Variants in RIMS1 observed in about 807,000 individuals in gnomAD.
The protein encoded by RIMS1 is regulating synaptic membrane exocytosis 1.
In RIMS1, 83 loss-of-function variants were observed where a neutral mutation model predicts 214.1. The observed-to-expected ratio is 0.39, with a 90% confidence interval of 0.32 to 0.47. The LOEUF is 0.47. Among genes scored for constraint, RIMS1 ranks in the 20% least tolerant of loss-of-function variants. The probability of loss-of-function intolerance (pLI) is 0.99; values close to 1 mark genes in which losing one functional copy is unlikely to be tolerated. For missense variants in RIMS1, 2,050 were observed against 2,161.8 expected, an observed-to-expected ratio of 0.95 and a Z score of 1.03; for synonymous variants, 793 against 786.8, an observed-to-expected ratio of 1.01 and a Z score of -0.13.
At chr6:71,989,164 G>A (rs1477532182) in intron 2 of RIMS1, among the ~76,000 whole-genome samples, 2 of 152,156 alleles carry the variant, frequency 1.3e-5, no homozygotes, top group Non-Finnish European at 2.9e-5. Context: ...CATTCTACTA[G>A]AACACTGCTC....
intron 1 of RIMS1, among the ~76,000 whole-genome samples, chr6:71,965,737 A>G (rs142311678): frequency 1.5e-4 from 23 of 152,126 alleles, no homozygotes; most frequent in South Asian, 1.0e-3. Context: ...AAGAGCCCCA[A>G]TCTGATAAAT....
At chr6:71,949,352 G>A (rs1204711356) in intron 1 of RIMS1, among the ~76,000 whole-genome samples, 1 of 151,912 alleles carries the variant, frequency 6.6e-6, no homozygotes, top group African/African-American at 2.4e-5. Context: ...CTCCAACAAT[G>A]GGGAGAAAAA....
intron 4 of RIMS1, among the ~76,000 whole-genome samples, chr6:72,102,171 TG>T (rs955846853): frequency 6.6e-6 from 1 of 152,000 alleles, no homozygotes; most frequent in African/African-American, 2.4e-5. Flanking sequence ...CTAAGCCAAC[TG>T]AATTGAATCC....
chr6:72,235,615 C>T lies in RIMS1; in HGVS notation c.1747-3C>T. 1 of 1,595,276 alleles carries T rather than the reference C, an allele frequency of 6.3e-7. No individual in the cohort carries two copies. Among genetic ancestry groups the T allele is most frequent in the Non-Finnish European group, 8.6e-7 (1 of 1,165,612 alleles). On this transcript the variant is annotated splice_region_variant and splice_polypyrimidine_tract_variant and intron_variant, in intron 7 of 33. Transcript: ENST00000521978. ...CTTTTTAAACTCATTCATGTTTTAA[C>T]AGCATCCTGTAACGTGGCAACCATC...
intron 2 of RIMS1, among the ~76,000 whole-genome samples, chr6:71,998,199 A>G (rs1265752059): frequency 1.3e-5 from 2 of 152,058 alleles, no homozygotes; most frequent in Non-Finnish European, 2.9e-5. Flanking sequence ...TGGATTTTCA[A>G]TATTTTTGTT....
chr6:72,398,472 G>A (rs2098803825), intron 32 of RIMS1, 122 bp downstream of exon 32: 1 of 595,236 alleles, frequency 1.7e-6, no homozygotes, highest in African/African-American at 1.9e-5. Flanking sequence ...TAAAAAAGCA[G>A]TGTTTCTGTG....
chr6:72,387,733 TA>T (rs968894846), intron 29 of RIMS1, among the ~76,000 whole-genome samples: 1 of 152,232 alleles, frequency 6.6e-6, no homozygotes. Context: ...GGTAGGAGTA[TA>T]AATCACTACA....
At chr6:72,241,727 A>G (rs1023121185) in intron 9 of RIMS1, among the ~76,000 whole-genome samples, 1 of 152,106 alleles carries the variant, frequency 6.6e-6, no homozygotes, top group Admixed American at 6.6e-5. Context: ...TTGCTTTGTA[A>G]TTTTGCCATA....
intron 1 of RIMS1, among the ~76,000 whole-genome samples, chr6:71,953,388 T>C (rs1234584517): frequency 2.0e-5 from 3 of 152,164 alleles, no homozygotes; most frequent in African/African-American, 7.2e-5. Context: ...GGGAAATAAA[T>C]ACACCTTGGC....
rs534722118 is a variant in RIMS1, at chr6:72,185,491, A to G, written c.1678+2342A>G. On this transcript the variant is annotated intron_variant, in intron 6 of 33. Transcript: ENST00000521978. ...TTCCAGAGTTAATAGACACCACACC[A>G]GAGGGATTAACAGAAGATAACTTGA... Among the ~76,000 whole-genome samples the G allele has an allele frequency of 7.8e-4, 119 of 152,330 alleles. 1 individual carries two copies. Among genetic ancestry groups the G allele is most frequent in the Admixed American group, 2.0e-3 (30 of 15,302 alleles).
chr6:72,105,267 T>C (rs1431622884), intron 4 of RIMS1, among the ~76,000 whole-genome samples: 2 of 152,118 alleles, frequency 1.3e-5, no homozygotes, highest in African/African-American at 2.4e-5. Flanking sequence ...ATTTATTCAT[T>C]TGTTGGCTTA....
At chr6:72,116,460 A>G (rs1027236633) in intron 4 of RIMS1, among the ~76,000 whole-genome samples, 5 of 152,050 alleles carry the variant, frequency 3.3e-5, no homozygotes, top group Non-Finnish European at 7.4e-5. Context: ...ACTGTTTCAT[A>G]TAAATGTAAC....
intron 28 of RIMS1, among the ~76,000 whole-genome samples, chr6:72,328,108 A>G (rs2096540878): frequency 6.6e-6 from 1 of 151,300 alleles, no homozygotes; most frequent in Non-Finnish European, 1.5e-5. Context: ...CATATACACC[A>G]TGGAATACTA....
intron 1 of RIMS1, among the ~76,000 whole-genome samples, chr6:71,908,093 G>C (rs1775791213): frequency 6.6e-6 from 1 of 152,152 alleles, no homozygotes; most frequent in Non-Finnish European, 1.5e-5. Flanking sequence ...CAAGACCAAG[G>C]CTGGTCCTGG....
At chr6:72,089,950 C>T (rs1340145721) in intron 2 of RIMS1, among the ~76,000 whole-genome samples, 1 of 141,916 alleles carries the variant, frequency 7.0e-6, no homozygotes, top group Non-Finnish European at 1.5e-5. Context: ...TATTCTCACT[C>T]ATAGGTGGGA....
chr6:72,307,670 C>T (rs1222009050), intron 27 of RIMS1, among the ~76,000 whole-genome samples: 1 of 151,996 alleles, frequency 6.6e-6, no homozygotes, highest in African/African-American at 2.4e-5. Flanking sequence ...TCCCTTGAAC[C>T]TGGGAGGCGG....
At chr6:72,056,409 CTAAAA>C (rs1382897496) in intron 2 of RIMS1, among the ~76,000 whole-genome samples, 1 of 152,054 alleles carries the variant, frequency 6.6e-6, no homozygotes, top group Non-Finnish European at 1.5e-5. Flanking sequence ...AACCCTGAAC[CTAAAA>C]TAAAAGTTAA....
chr6:71,912,745 G>C (rs1562179630), intron 1 of RIMS1, among the ~76,000 whole-genome samples: 1 of 152,092 alleles, frequency 6.6e-6, no homozygotes, highest in African/African-American at 2.4e-5. Flanking sequence ...TAAGTATTAT[G>C]TGTCAGGTAC....
rs1465177083 is a variant in RIMS1 at position 72,182,989 on chromosome 6, C to T, written c.1518C>T (p.Ser506=). 1 of 1,593,410 alleles carries T rather than the reference C, an allele frequency of 6.3e-7. No individual in the cohort carries two copies. The highest frequency in any genetic ancestry group is 8.5e-7 in the Non-Finnish European group (1 of 1,171,424). ...ACGACTCTTTGAGCTCAGACCAGTC[C>T]GAGTCGGTGCGGCCGTCCCCGCCCA... ...LRNDSLSSDQ[S]ESVRPSPPKP... Residue 506 remains serine, a synonymous_variant, in exon 6 of 34, where the codon TCC becomes TCT. Transcript: ENST00000521978.
Sources: allele counts gnomAD v4.1 joint callset (sites outside exome capture counted in the v4.1 genomes callset), GRCh38; gene constraint gnomAD v4.1.1; transcripts MANE v1.5; gene names NCBI Gene and HGNC (gene_info 2026-07-23, HGNC 2026-07-21).